Variants in SNX8 observed in about 807,000 individuals in gnomAD.
SNX8 encodes the protein sorting nexin-8.
A neutral mutation model predicts 51.6 loss-of-function variants in SNX8; 25 were observed. The observed-to-expected ratio is 0.48, with a 90% CI of 0.35 to 0.68. SNX8 has a LOEUF of 0.68. Ranked by LOEUF, SNX8 falls within the 30% of genes least tolerant of loss-of-function variation. SNX8 has a pLI of 0.00. For synonymous variants in SNX8, 324 were observed against 277.0 expected (o/e 1.17, Z -1.68); for missense variants, 695 against 624.0 (o/e 1.11, Z -1.21).
chr7:2,309,337 C>T (rs1330550633), intron 1 of SNX8, among the ~76,000 whole-genome samples: 1 of 152,190 alleles, frequency 6.6e-6, no homozygotes, highest in Non-Finnish European at 1.5e-5. Context: ...TCCTTCCTGG[C>T]CAACATGGCG....
intron 1 of SNX8, among the ~76,000 whole-genome samples, chr7:2,323,058 G>A (rs886870879): frequency 2.7e-5 from 4 of 150,470 alleles, no homozygotes; most frequent in Non-Finnish European, 5.9e-5. Context: ...GGCCAGGCAT[G>A]GTGGCTTACA....
At chr7:2,277,083 C>G (rs1795797888) in intron 2 of SNX8, among the ~76,000 whole-genome samples, 1 of 152,232 alleles carries the variant, frequency 6.6e-6, no homozygotes, top group Admixed American at 6.5e-5. Context: ...GTGGGCCCTG[C>G]TCTGTCTGTG....
At position 2,293,393 on chromosome 7, in the gene SNX8, C is replaced by T. The variant is rs368041687; in HGVS notation, c.95-15088G>A. 8.1e-4 allele frequency among the ~76,000 whole-genome samples: 123 copies of T among 152,082 alleles called. 3 individuals are homozygous for T. In the South Asian group the frequency reaches 0.019, roughly 24 times the overall value. ...ATGCTCAGTCGGGTGCGGTGGCTCA[C>T]GCCTGGAATCCTAGCACTCTGGGAG... On this transcript the variant is annotated intron_variant, in intron 1 of 10. Transcript: ENST00000222990.
At chr7:2,261,625 G>A (rs1435658372) in intron 7 of SNX8, among the ~76,000 whole-genome samples, 1 of 152,096 alleles carries the variant, frequency 6.6e-6, no homozygotes, top group Non-Finnish European at 1.5e-5. Flanking sequence ...CACGTTCTCG[G>A]TCCCCTCCAC....
intron 1 of SNX8, among the ~76,000 whole-genome samples, chr7:2,353,233 G>A (rs1345733615): frequency 1.3e-5 from 2 of 151,878 alleles, no homozygotes; most frequent in Non-Finnish European, 2.9e-5. Context: ...TATTAAAATG[G>A]CTAGGCCCTG....
intron 1 of SNX8, among the ~76,000 whole-genome samples, chr7:2,290,307 C>A (rs989615751): frequency 6.6e-6 from 1 of 152,030 alleles, no homozygotes; most frequent in Admixed American, 6.6e-5. Flanking sequence ...TCGAGACCAG[C>A]CAGGACAACA....
rs937445510 is a variant in SNX8, at chr7:2,254,702, C to A, written c.*354G>T. 8 of 324,208 alleles carry A rather than the reference C, an allele frequency of 2.5e-5. No individual in the cohort carries two copies. Among genetic ancestry groups the A allele is most frequent in the Non-Finnish European group, 4.7e-5 (8 of 171,642 alleles). The allele number at this position is 324,208 out of a possible 1,614,324, so 20.1% of individuals were successfully genotyped here. On this transcript the variant is annotated 3_prime_UTR_variant, in exon 11 of 11. Coordinates refer to ENST00000222990, the MANE Select transcript of SNX8 (RefSeq NM_013321.4). ...AGCACCATGATGCTGCCCCTCCCGA[C>A]TGTTCCAGCACCTGGAGGCCCTGCC...
Position 2,256,898 on chromosome 7 carries a change from G to T in SNX8, c.1260C>A (p.Asn420Lys). The T allele has an allele frequency of 6.2e-7, 1 of 1,613,394 alleles. No homozygotes were observed. ...CCTCCTTGTGCCCTTGGATCTGAGA[G>T]TTGACGAAGGCGCGGAGGATGTGGG... is the stretch of plus-strand genomic sequence containing the variant. Reference protein sequence around the residue: ...LTSHILRAFVNSQIQGHKEMS... With the variant: ...LTSHILRAFVKSQIQGHKEMS... The change falls in exon 10 of 11, where the codon AAC becomes AAA. Residue 420 changes from asparagine (N) to lysine (K), a missense_variant. Coordinates refer to ENST00000222990, the MANE Select transcript of SNX8 (RefSeq NM_013321.4).
At chr7:2,283,559 G>T (rs1006373339) in intron 1 of SNX8, among the ~76,000 whole-genome samples, 2 of 152,188 alleles carry the variant, frequency 1.3e-5, no homozygotes, top group Non-Finnish European at 2.9e-5. Context: ...ACCTGAATGC[G>T]CATTCCCATG....
At chr7:2,325,123 T>C (rs1778599905) in intron 1 of SNX8, among the ~76,000 whole-genome samples, 1 of 152,174 alleles carries the variant, frequency 6.6e-6, no homozygotes, top group South Asian at 2.1e-4. Flanking sequence ...TGAGCCACCA[T>C]GCCTGGCCCA....
intron 1 of SNX8, among the ~76,000 whole-genome samples, chr7:2,300,288 G>A (rs963322359): frequency 6.6e-6 from 1 of 152,198 alleles, no homozygotes; most frequent in African/African-American, 2.4e-5. Flanking sequence ...AATTCAAGAA[G>A]TGATTTGTTT....
chr7:2,272,596 C>CAG (rs751068578), intron 3 of SNX8, among the ~76,000 whole-genome samples: 1 of 151,690 alleles, frequency 6.6e-6, no homozygotes. Context: ...CGCTGGTCTC[C>CAG]AACTCCTGAC....
intron 7 of SNX8, among the ~76,000 whole-genome samples, chr7:2,259,832 T>C (rs564070950): frequency 1.3e-5 from 2 of 152,216 alleles, no homozygotes; most frequent in South Asian, 2.1e-4. Context: ...GTTCGTGTCA[T>C]TTGTCACCAA....
At chr7:2,325,323 G>A (rs1778603140) in intron 1 of SNX8, among the ~76,000 whole-genome samples, 1 of 152,074 alleles carries the variant, frequency 6.6e-6, no homozygotes, top group Admixed American at 6.6e-5. Context: ...AAAGTTTTGA[G>A]GTGGATACAG....
In SNX8 at chr7:2,278,215, A is replaced by G. The variant is rs756294522; in HGVS notation, c.185T>C (p.Leu62Pro). ...CTCCTGCAGGGTGTGGGACAGCAGC[A>G]GCGGGTTCCCCTGCGGCATCTGCAT... ...SRMQMPQGNP[L>P]LLSHTLQELL... The change falls in exon 2 of 11, where the codon CTG (leucine) becomes CCG (proline). Residue 62 changes from leucine to proline, a missense_variant. Transcript: ENST00000222990. 1 of 1,613,242 alleles carries G rather than the reference A, an allele frequency of 6.2e-7. No individual in the cohort carries two copies. Among genetic ancestry groups the G allele is most frequent in the Non-Finnish European group, 8.5e-7 (1 of 1,179,476 alleles).
chr7:2,334,173 G>T (rs1431458322), intron 1 of SNX8, among the ~76,000 whole-genome samples: 2 of 152,004 alleles, frequency 1.3e-5, no homozygotes, highest in Non-Finnish European at 2.9e-5. Flanking sequence ...CCCAGCTGAG[G>T]GGGTCGGATC....
chr7:2,304,800 A>C (rs536956356), intron 1 of SNX8, among the ~76,000 whole-genome samples: 1 of 152,238 alleles, frequency 6.6e-6, no homozygotes, highest in East Asian at 1.9e-4. Flanking sequence ...CTGAAAATGC[A>C]ATTTCAAATC....
chr7:2,307,089 G>A (rs1425832823), intron 1 of SNX8, among the ~76,000 whole-genome samples: 1 of 152,082 alleles, frequency 6.6e-6, no homozygotes, highest in Non-Finnish European at 1.5e-5. Flanking sequence ...AACAGAAACA[G>A]CAAAGTGCCT....
intron 1 of SNX8, among the ~76,000 whole-genome samples, chr7:2,323,346 A>C (rs1329775246): frequency 6.6e-6 from 1 of 151,232 alleles, no homozygotes; most frequent in Non-Finnish European, 1.5e-5. Flanking sequence ...AAAAAAAAAA[A>C]AAACAACCAA....
Sources: allele counts gnomAD v4.1 joint callset (sites outside exome capture counted in the v4.1 genomes callset), GRCh38; gene constraint gnomAD v4.1.1; transcripts MANE v1.5; gene names NCBI Gene and HGNC (gene_info 2026-07-23, HGNC 2026-07-21).